The following BTD variants were observed in gnomAD, a reference collection of about 807,000 sequenced individuals.
BTD encodes biocytinase.
BTD carries 13 observed loss-of-function variants against 17.7 expected under a neutral mutation model. The ratio of observed to expected loss-of-function variants is 0.74; its 90% CI spans 0.48 to 1.17. The LOEUF is 1.17. Among genes scored for constraint, BTD ranks in the 50% most tolerant of loss-of-function variants. BTD has a pLI of 0.00. For synonymous variants in BTD, 240 were observed against 245.2 expected (o/e 0.98, Z 0.20); for missense variants, 674 against 650.4 (o/e 1.04, Z -0.39).
chr3:15,689,517 A>G (rs992898569), intron 3 of BTD, among the ~76,000 whole-genome samples: 1 of 152,192 alleles, frequency 6.6e-6, no homozygotes, highest in African/African-American at 2.4e-5. Flanking sequence ...GGAGGAAGGG[A>G]GCTACTTGGG....
chr3:15,628,498 G>C (rs1462529436), intron 1 of BTD, among the ~76,000 whole-genome samples: 1 of 152,128 alleles, frequency 6.6e-6, no homozygotes, highest in Admixed American at 6.5e-5. Flanking sequence ...TTATCTAGAA[G>C]GTGTTCTTTA....
At chr3:15,705,310 T>A (rs1206253620) in intron 3 of BTD, among the ~76,000 whole-genome samples, 9 of 152,224 alleles carry the variant, frequency 5.9e-5, no homozygotes, top group Non-Finnish European at 1.2e-4. Flanking sequence ...TTGAATTATA[T>A]GTTATTCCTT....
At chr3:15,670,423 A>G (rs1162878148) in intron 3 of BTD, 6 of 1,613,852 alleles carry the variant, frequency 3.7e-6, no homozygotes, top group Admixed American at 1.7e-5. Context: ...AGGTGTTGGT[A>G]TAACGGTTAA....
chr3:15,601,971 T>TTC, intron 1 of BTD, 77 bp downstream of exon 1: 2 of 1,588,806 alleles, frequency 1.3e-6, no homozygotes, highest in South Asian at 1.1e-5. Flanking sequence ...GGGCGCCCAG[T>TTC]TGGACTTGGG....
intron 3 of BTD, among the ~76,000 whole-genome samples, chr3:15,710,036 G>GT (rs34686530): frequency 0.8 from 117,305 of 146,296 alleles, 47,017 homozygotes; most frequent in East Asian, 0.91. Flanking sequence ...TTGCTTATAG[G>GT]TTTTTTTTTT....
exon 4 of BTD, among the ~76,000 whole-genome samples, chr3:15,711,683 G>A (rs979146559): frequency 1.3e-5 from 2 of 151,642 alleles, no homozygotes; most frequent in African/African-American, 4.8e-5. Flanking sequence ...GGATGAAGAG[G>A]TTTTCTGTAT....
At chr3:15,715,091 C>T (rs1209499445), downstream of BTD, among the ~76,000 whole-genome samples, 1 of 152,090 alleles carries the variant, frequency 6.6e-6, no homozygotes, top group Admixed American at 6.6e-5. Context: ...TTTATAGTTA[C>T]GTGTACTAAA....
At chr3:15,611,504 T>C (rs912633129) in intron 1 of BTD, among the ~76,000 whole-genome samples, 1 of 152,242 alleles carries the variant, frequency 6.6e-6, no homozygotes, top group Admixed American at 6.5e-5. Context: ...TTTTTTCCTT[T>C]ATAGTTAGAA....
chr3:15,721,436 G>A (rs1423164818), intron 4 of BTD, among the ~76,000 whole-genome samples: 1 of 152,012 alleles, frequency 6.6e-6, no homozygotes, highest in Non-Finnish European at 1.5e-5. Flanking sequence ...ATTTTTAAAG[G>A]CGTTCTAGGT....
chr3:15,602,156 C>A, intron 1 of BTD: 1 of 1,411,458 alleles, frequency 7.1e-7, no homozygotes, highest in Admixed American at 2.9e-5. Context: ...TATTGTAGCG[C>A]ACGTTACTTA....
chr3:15,721,242 AAGATAAGTACAG>A (rs2073692034), intron 4 of BTD: 4 of 848,020 alleles, frequency 4.7e-6, no homozygotes, highest in Middle Eastern at 3.6e-4. Context: ...AAACGGAGAC[AAGATAAGTACAG>A]AGATAAGGCT....
At chr3:15,634,780 G>A (rs2065299541) in intron 1 of BTD, among the ~76,000 whole-genome samples, 1 of 152,158 alleles carries the variant, frequency 6.6e-6, no homozygotes, top group African/African-American at 2.4e-5. Flanking sequence ...CTTTTATTGG[G>A]ATACTTTGCT....
At chr3:15,688,639 T>C (rs1022103977) in intron 3 of BTD, among the ~76,000 whole-genome samples, 3 of 152,174 alleles carry the variant, frequency 2.0e-5, no homozygotes, top group Non-Finnish European at 4.4e-5. Flanking sequence ...TCTTCTAAAA[T>C]GTAAGCTTCC....
At chr3:15,684,509 T>G (rs532033572) in intron 3 of BTD, 1 of 152,206 alleles carries the variant, frequency 6.6e-6, no homozygotes, top group Admixed American at 6.5e-5. Flanking sequence ...AAAACATACA[T>G]AGATTTCAGT....
chr3:15,605,814 T>C (rs1368833345), intron 1 of BTD, among the ~76,000 whole-genome samples: 2 of 151,840 alleles, frequency 1.3e-5, no homozygotes, highest in East Asian at 3.9e-4. Context: ...GAGGCCGAGG[T>C]GGGCAGATCA....
At chr3:15,710,105 G>C (rs2072037890) in exon 4 of BTD, among the ~76,000 whole-genome samples, 1 of 150,866 alleles carries the variant, frequency 6.6e-6, no homozygotes, top group African/African-American at 2.4e-5. Flanking sequence ...TGCAACCATA[G>C]CTAACGGCAG....
intron 3 of BTD, among the ~76,000 whole-genome samples, chr3:15,687,185 C>T (rs2068228236): frequency 6.6e-6 from 1 of 151,972 alleles, no homozygotes. Flanking sequence ...CCTCATGATC[C>T]ACCCACCTCG....
chr3:15,720,973 G>A (rs1208052256), intron 4 of BTD: 4 of 1,613,768 alleles, frequency 2.5e-6, no homozygotes, highest in Non-Finnish European at 3.4e-6. Flanking sequence ...TGCTCCATGT[G>A]TTGATGCAGC....
intron 2 of BTD, among the ~76,000 whole-genome samples, chr3:15,636,494 A>AAAAC (rs1002568990): frequency 6.6e-6 from 1 of 152,208 alleles, no homozygotes; most frequent in African/African-American, 2.4e-5. Flanking sequence ...GCCCTGCTGG[A>AAAAC]AAACACAAAC....
Sources: allele counts gnomAD v4.1 joint callset (sites outside exome capture counted in the v4.1 genomes callset), GRCh38; gene constraint gnomAD v4.1.1; transcripts MANE v1.5; gene names NCBI Gene and HGNC (gene_info 2026-07-23, HGNC 2026-07-21).